Variants in PIEZO2 observed in about 807,000 individuals in gnomAD.
The protein encoded by PIEZO2 is piezo-type mechanosensitive ion channel component 2.
A neutral mutation model predicts 337.3 loss-of-function variants in PIEZO2; 172 were observed. The ratio of observed to expected loss-of-function variants is 0.51; its 90% CI spans 0.45 to 0.58. The LOEUF (loss-of-function observed/expected upper bound fraction) is 0.58. PIEZO2 is among the 20% of genes least tolerant of loss of function. The probability of loss-of-function intolerance (pLI) is 0.00; values close to 1 mark genes in which losing one functional copy is unlikely to be tolerated. For missense variants in PIEZO2, 3,028 were observed against 3,391.3 expected (o/e 0.89, Z 2.66); for synonymous variants, 1,251 against 1,228.5 (o/e 1.02, Z -0.38).
At chr18:11,053,845 G>A (rs908859806) in intron 2 of PIEZO2, among the ~76,000 whole-genome samples, 9 of 151,638 alleles carry the variant, frequency 5.9e-5, no homozygotes, top group East Asian at 3.9e-4. Context: ...GTAAAACCCC[G>A]TCTCTACTAA....
chr18:10,990,433 C>A (rs921280720), intron 2 of PIEZO2, among the ~76,000 whole-genome samples: 4 of 152,072 alleles, frequency 2.6e-5, no homozygotes, highest in Admixed American at 1.3e-4. Context: ...TGCTTCAACT[C>A]TCTCCACTCA....
intron 43 of PIEZO2, among the ~76,000 whole-genome samples, chr18:10,701,465 A>G (rs1320969475): frequency 6.6e-6 from 1 of 152,194 alleles, no homozygotes; most frequent in African/African-American, 2.4e-5. Flanking sequence ...TTACTGGGCA[A>G]CTTTAAAGAA....
chr18:10,956,498 A>G (rs113096472), intron 3 of PIEZO2, among the ~76,000 whole-genome samples: 2,227 of 152,270 alleles, frequency 0.015, 58 homozygotes, highest in African/African-American at 0.048. Flanking sequence ...CAAAATTCCA[A>G]TGTCATTCTT....
chr18:10,814,840 G>A (rs1353945073), intron 7 of PIEZO2, among the ~76,000 whole-genome samples: 7 of 152,208 alleles, frequency 4.6e-5, no homozygotes, highest in Non-Finnish European at 1.0e-4. Flanking sequence ...TCAACTGAGA[G>A]CAGGGGAACA....
chr18:11,100,984 G>A (rs1164451118), intron 1 of PIEZO2, among the ~76,000 whole-genome samples: 1 of 152,164 alleles, frequency 6.6e-6, no homozygotes, highest in East Asian at 1.9e-4. Flanking sequence ...TTAAACTCAG[G>A]GGGTCATAGT....
intron 1 of PIEZO2, among the ~76,000 whole-genome samples, chr18:11,147,825 C>T (rs117654101): frequency 0.036 from 5,497 of 152,314 alleles, 118 homozygotes; most frequent in Non-Finnish European, 0.054. Flanking sequence ...TGCGGTCCTC[C>T]CTGGGCCCTT....
Position 10,724,857 on chromosome 18 carries a change from T to C in PIEZO2, c.5029+6550A>G. The C allele has an allele frequency of 6.2e-7, 1 of 1,607,350 alleles. No homozygotes were observed. The highest frequency in any genetic ancestry group is 1.7e-5 in the Admixed American group (1 of 59,520). ...GCCACGGCGGCCACATGCGTCGCAG[T>C]GAGAGCACCTACTCTGTAAATAGTA... On this transcript the variant is annotated intron_variant, in intron 36 of 55. Transcript: ENST00000674853. This position sits in a 1 kb window ranked among gnomAD's most constrained non-coding sequence, Gnocchi z 5.8.
chr18:10,955,829 T>C (rs773733443), intron 3 of PIEZO2, among the ~76,000 whole-genome samples: 69 of 152,324 alleles, frequency 4.5e-4, no homozygotes, highest in South Asian at 1.0e-3. Flanking sequence ...TTCCACATTA[T>C]AGAACACTCC....
intron 1 of PIEZO2, among the ~76,000 whole-genome samples, chr18:11,145,269 G>T (rs2040779730): frequency 6.6e-6 from 1 of 152,016 alleles, no homozygotes; most frequent in Non-Finnish European, 1.5e-5. Flanking sequence ...GTTTTGTTTT[G>T]CTTTTAACAC....
In PIEZO2 at chr18:10,870,751, C is replaced by T. The variant is rs960226253; in HGVS notation, c.492+502G>A. Among the ~76,000 whole-genome samples the T allele has an allele frequency of 6.6e-6, 1 of 152,092 alleles. No individual in the cohort carries two copies. Among genetic ancestry groups the T allele is most frequent in the African/African-American group, 2.4e-5 (1 of 41,396 alleles). ...CACTTTTCCAAATATGTATGTTTTT[C>T]CCCCTTGGAGTGCTTTAAAACAACT... On this transcript the variant is annotated intron_variant, in intron 5 of 55. Transcript: ENST00000674853. This position sits in a 1 kb window ranked among gnomAD's most constrained non-coding sequence, Gnocchi z 5.3.
rs571059474 is a variant in PIEZO2, at chr18:10,866,036, C to T, written c.492+5217G>A. Reference sequence around the variant, plus strand: ...TAAAAAGATAGTTAAAGGTGAAAGGCGTTTTTGGAGCTTTGATTCTTTGAA... The same window carrying T: ...TAAAAAGATAGTTAAAGGTGAAAGGTGTTTTTGGAGCTTTGATTCTTTGAA... On this transcript the variant is annotated intron_variant, in intron 5 of 55. Coordinates refer to ENST00000674853, the MANE Select transcript of PIEZO2 (RefSeq NM_001378183.1). Among the ~76,000 whole-genome samples the T allele has an allele frequency of 7.2e-5, 11 of 152,130 alleles. No individual in the cohort carries two copies. The South Asian group carries it at 8.3e-4, about 11-fold the overall frequency.
Position 11,097,764 on chromosome 18 carries a change from G to A in PIEZO2, c.65-31542C>T, listed in dbSNP as rs140988981. Among the ~76,000 whole-genome samples, 4 of 152,302 alleles carry A rather than the reference G, an allele frequency of 2.6e-5. No individual in the cohort carries two copies. The highest frequency in any genetic ancestry group is 7.2e-5 in the African/African-American group (3 of 41,558). On this transcript the variant is annotated intron_variant, in intron 1 of 55. Coordinates refer to ENST00000674853, the MANE Select transcript of PIEZO2 (RefSeq NM_001378183.1). The surrounding 1 kb of genome is among the most constrained non-coding windows in gnomAD (Gnocchi z 5.0). Reference sequence around the variant, plus strand: ...TAATGAAATGTATGGAAATACTGTTGTATGGTAGATATATATTCCTAAATC... The same window carrying A: ...TAATGAAATGTATGGAAATACTGTTATATGGTAGATATATATTCCTAAATC...
At chr18:10,951,654 C>T (rs2095763322) in intron 3 of PIEZO2, among the ~76,000 whole-genome samples, 1 of 152,204 alleles carries the variant, frequency 6.6e-6, no homozygotes. Context: ...CCAAGGTCCA[C>T]CCCTGGAGGA....
intron 5 of PIEZO2, among the ~76,000 whole-genome samples, chr18:10,858,791 A>G (rs759050760): frequency 6.6e-6 from 1 of 152,062 alleles, no homozygotes; most frequent in Non-Finnish European, 1.5e-5. Flanking sequence ...AGGCTACAGG[A>G]TGCACCCAGC....
chr18:10,814,506 G>C (rs765075852), intron 7 of PIEZO2, among the ~76,000 whole-genome samples: 94 of 152,164 alleles, frequency 6.2e-4, no homozygotes, highest in Admixed American at 1.4e-3. Flanking sequence ...TAGCCACAAA[G>C]AGGCAGATGC....
chr18:10,757,563 T>C (rs552333244), intron 27 of PIEZO2, among the ~76,000 whole-genome samples: 156 of 143,470 alleles, frequency 1.1e-3, no homozygotes, highest in Non-Finnish European at 1.2e-3. Context: ...GGATGAGCTA[T>C]GGGGATGAGG....
rs1272028029 is a variant in PIEZO2 at position 10,795,528 on chromosome 18, G to A, written c.1528-526C>T. Among the ~76,000 whole-genome samples, 1 of 152,100 alleles carries A rather than the reference G, an allele frequency of 6.6e-6. No individual in the cohort carries two copies. Among genetic ancestry groups the A allele is most frequent in the South Asian group, 2.1e-4 (1 of 4,828 alleles). On this transcript the variant is annotated intron_variant, in intron 12 of 55. Transcript: ENST00000674853. This position sits in a 1 kb window ranked among gnomAD's most constrained non-coding sequence, Gnocchi z 4.4. ...GCTGCAGTTTAAAGTAGCAGTTGAT[G>A]TACAGAAAATGTCAAAAAGTAACCA...
At chr18:11,066,260 T>C (rs2038146751) in intron 1 of PIEZO2, 38 bp from the exon 2 acceptor site, 1 of 1,486,296 alleles carries the variant, frequency 6.7e-7, no homozygotes, top group South Asian at 1.2e-5. Flanking sequence ...AGAAGATCAT[T>C]AACAAAGGCA....
rs577176144 is a variant in PIEZO2, at chr18:10,821,455, C to A, written c.918-14181G>T. 1.9e-4 allele frequency among the ~76,000 whole-genome samples: 29 copies of A among 152,198 alleles called. No homozygotes were observed. The highest frequency in any genetic ancestry group is 1.8e-3 in the Admixed American group (27 of 15,274). On this transcript the variant is annotated intron_variant, in intron 7 of 55. Transcript: ENST00000674853. The surrounding 1 kb of genome is among the most constrained non-coding windows in gnomAD (Gnocchi z 4.2). ...TTGCATAAAGGTATCTACCTACCCACCTAGAAGTAGAATGTTCTGATTAAA... is the reference window on the plus strand; with the variant it reads ...TTGCATAAAGGTATCTACCTACCCAACTAGAAGTAGAATGTTCTGATTAAA...
Sources: allele counts gnomAD v4.1 joint callset (sites outside exome capture counted in the v4.1 genomes callset), GRCh38; gene constraint gnomAD v4.1.1; non-coding constraint Gnocchi (gnomAD v3.1); transcripts MANE v1.5; gene names NCBI Gene and HGNC (gene_info 2026-07-23, HGNC 2026-07-21).